The following SNED1 variants were observed in gnomAD, a reference collection of about 807,000 sequenced individuals.
SNED1 encodes the protein sushi, nidogen and EGF-like domain-containing protein 1.
Under a neutral mutation model 166.7 loss-of-function variants are expected in SNED1, and 81 were observed. The ratio of observed to expected loss-of-function variants is 0.49; its 90% CI spans 0.41 to 0.58. The LOEUF (loss-of-function observed/expected upper bound fraction) is 0.58, where lower values mean the gene tolerates loss of function less well. Ranked by LOEUF, SNED1 falls within the 20% of genes least tolerant of loss-of-function variation. The pLI is 0.00. For synonymous variants in SNED1, 762 were observed against 822.0 expected (o/e 0.93, Z 1.25); for missense variants, 1,604 against 2,000.2 (o/e 0.80, Z 3.78).
intron 12 of SNED1, 97 bp downstream of exon 12, chr2:241,050,030 G>T (rs972225101): frequency 2.2e-6 from 2 of 910,166 alleles, no homozygotes; most frequent in Non-Finnish European, 3.6e-6. Flanking sequence ...CTTGTTTCGC[G>T]AATTGCTGAC....
chr2:241,072,965 C>A, intron 26 of SNED1: 7 of 430,248 alleles, frequency 1.6e-5, no homozygotes, highest in Non-Finnish European at 2.9e-5. Flanking sequence ...AAGAAAGCAA[C>A]CGCATCAGCC....
chr2:241,071,735 C>A lies in SNED1; in HGVS notation c.3734+15C>A, dbSNP rs755028769. The A allele has an allele frequency of 2.0e-6, 3 of 1,515,062 alleles. No individual in the cohort carries two copies. Among genetic ancestry groups the A allele is most frequent in the Non-Finnish European group, 8.9e-7 (1 of 1,120,040 alleles). 93.9% of individuals were successfully genotyped at this position (1,515,062 alleles called of 1,614,324 possible). On this transcript the variant is annotated intron_variant, in intron 25 of 31. Coordinates refer to ENST00000310397, the MANE Select transcript of SNED1 (RefSeq NM_001080437.3). ...CAGCCCCCCAGGTACATGCCCCACC[C>A]ATCGGCCCCATCGCCCGAGGCGGCG... is the stretch of plus-strand genomic sequence containing the variant.
chr2:241,004,054 G>A (rs540060944), intron 1 of SNED1, among the ~76,000 whole-genome samples: 1 of 152,372 alleles, frequency 6.6e-6, no homozygotes, highest in South Asian at 2.1e-4. Context: ...GTATGGAGGG[G>A]AAGATCCTGG....
At chr2:241,076,910 T>C (rs2063049612) in intron 27 of SNED1, among the ~76,000 whole-genome samples, 1 of 152,124 alleles carries the variant, frequency 6.6e-6, no homozygotes. Context: ...AAACCCCGTC[T>C]CTACTAAAAA....
intron 31 of SNED1, among the ~76,000 whole-genome samples, chr2:241,089,535 G>A (rs899942732): frequency 6.6e-6 from 1 of 152,014 alleles, no homozygotes; most frequent in Non-Finnish European, 1.5e-5. Flanking sequence ...CTCTGAGTTG[G>A]CCATGACAGA....
rs542500566 is a variant in SNED1, at chr2:240,999,129, C to CCCG, written c.213+91_213+93dup. ...GGCCGCTGCCCGCCGGGCCCGGACT[C>CCCG]CCGCCGCCGCCGCCAGCCACTTGGC... On this transcript the variant is annotated intron_variant, in intron 1 of 31. Coordinates refer to ENST00000310397, the MANE Select transcript of SNED1 (RefSeq NM_001080437.3). The surrounding 1 kb of genome is among the most constrained non-coding windows in gnomAD (Gnocchi z 5.8). 632 of 867,384 alleles carry CCCG rather than the reference C, an allele frequency of 7.3e-4. 1 individual carries two copies. In the African/African-American group the frequency reaches 9.5e-3, roughly 13 times the overall value. The allele number at this position is 867,384 out of a possible 1,614,324, so 53.7% of individuals were successfully genotyped here.
At position 241,054,607 on chromosome 2, in the gene SNED1, G is replaced by A. The variant is rs79786283; in HGVS notation, c.2257+1281G>A. 8.5e-3 allele frequency among the ~76,000 whole-genome samples: 1,296 copies of A among 152,270 alleles called. 80 individuals are homozygous for A. The South Asian group carries it at 0.12, about 14-fold the overall frequency. ...AATGGATTAACGGTATAAAATAACC[G>A]TGACAAATTTACAAAGTAAACATGG... On this transcript the variant is annotated intron_variant, in intron 16 of 31. Coordinates refer to ENST00000310397, the MANE Select transcript of SNED1 (RefSeq NM_001080437.3).
At chr2:241,005,478 A>G (rs1285909708) in intron 1 of SNED1, among the ~76,000 whole-genome samples, 3 of 152,116 alleles carry the variant, frequency 2.0e-5, no homozygotes, top group Admixed American at 2.0e-4. Context: ...TGCTAGGATT[A>G]CAGACCTTAG....
intron 1 of SNED1, among the ~76,000 whole-genome samples, chr2:241,007,164 T>C (rs2060243400): frequency 6.6e-6 from 1 of 152,196 alleles, no homozygotes; most frequent in Admixed American, 6.5e-5. Context: ...CATGAGAGAA[T>C]ATCCTTGTTG....
intron 1 of SNED1, among the ~76,000 whole-genome samples, chr2:241,020,466 C>T (rs1265251253): frequency 6.6e-6 from 1 of 152,240 alleles, no homozygotes; most frequent in Non-Finnish European, 1.5e-5. Context: ...CAGTGGCTCA[C>T]GTCAGGCACT....
At chr2:241,082,815 GC>G (rs1463982436) in intron 29 of SNED1, among the ~76,000 whole-genome samples, 2 of 152,228 alleles carry the variant, frequency 1.3e-5, no homozygotes, top group Non-Finnish European at 2.9e-5. Flanking sequence ...AGGGAGAGAT[GC>G]CCAGCCCATC....
intron 1 of SNED1, among the ~76,000 whole-genome samples, chr2:241,019,109 T>C (rs1423409749): frequency 6.6e-6 from 1 of 150,842 alleles, no homozygotes; most frequent in East Asian, 2.0e-4. Context: ...GCCCATGGTG[T>C]GTGGACCAGG....
intron 16 of SNED1, among the ~76,000 whole-genome samples, chr2:241,056,666 C>T (rs1182401026): frequency 6.8e-6 from 1 of 146,916 alleles, no homozygotes; most frequent in Non-Finnish European, 1.5e-5. Flanking sequence ...CTGCAATCTC[C>T]GCCTCCTGGG....
At chr2:241,083,658 C>G (rs2063438680) in intron 29 of SNED1, among the ~76,000 whole-genome samples, 2 of 152,178 alleles carry the variant, frequency 1.3e-5, no homozygotes, top group African/African-American at 4.8e-5. Context: ...TCCCGCTGTG[C>G]TTAGTTACAC....
In SNED1 at chr2:241,088,728, G is replaced by T. The variant is rs930381236; in HGVS notation, c.*1+326G>T. Reference sequence around the variant, plus strand: ...CAGCTGCAGTGGGAGGAAGAGGCAGGGGGGTGGGCCCTTGGAGAGGCTGGA... The same window carrying T: ...CAGCTGCAGTGGGAGGAAGAGGCAGTGGGGTGGGCCCTTGGAGAGGCTGGA... On this transcript the variant is annotated intron_variant, in intron 31 of 31. Coordinates refer to ENST00000310397, the MANE Select transcript of SNED1 (RefSeq NM_001080437.3). 8.3e-6 allele frequency: 3 copies of T among 360,052 alleles called. No individual in the cohort carries two copies. The South Asian group carries it at 1.6e-4, about 19-fold the overall frequency. 22.3% of individuals were successfully genotyped at this position (360,052 alleles called of 1,614,324 possible).
At chr2:241,046,729 GT>G (rs2061657555) in intron 8 of SNED1, among the ~76,000 whole-genome samples, 1 of 152,222 alleles carries the variant, frequency 6.6e-6, no homozygotes. Flanking sequence ...TGTGGTGGGG[GT>G]TAAACAAATC....
rs780250943 is a variant in SNED1 at position 241,048,735 on chromosome 2, C to T, written c.1473C>T (p.Pro491=). The change falls in exon 10 of 32, where the codon CCC becomes CCT. Residue 491 remains proline, a synonymous_variant. Coordinates refer to ENST00000310397, the MANE Select transcript of SNED1 (RefSeq NM_001080437.3). ...CCAACACCACCCTCTGCCAGTGCCCCCTGGGATTCTTTGGGCTTCTCTGTG... is the reference window on the plus strand; with the variant it reads ...CCAACACCACCCTCTGCCAGTGCCCTCTGGGATTCTTTGGGCTTCTCTGTG... The part of the protein sequence containing the change: ...LGANTTLCQC[P]LGFFGLLCEF... 4.3e-6 allele frequency: 7 copies of T among 1,612,582 alleles called. No homozygotes were observed. In the South Asian group the frequency reaches 5.5e-5, roughly 13 times the overall value.
chr2:241,079,549 G>A (rs2063226350), intron 27 of SNED1, among the ~76,000 whole-genome samples: 1 of 152,072 alleles, frequency 6.6e-6, no homozygotes, highest in Non-Finnish European at 1.5e-5. Flanking sequence ...TTCACTAAAT[G>A]AGGAGGGAAA....
At chr2:241,033,628 G>A (rs2061253869) in intron 2 of SNED1, 107 bp from the exon 3 acceptor site, 1 of 1,303,586 alleles carries the variant, frequency 7.7e-7, no homozygotes, top group East Asian at 2.7e-5. Context: ...CATTGAGCAA[G>A]CCAGGGGCCC....
Sources: allele counts gnomAD v4.1 joint callset (sites outside exome capture counted in the v4.1 genomes callset), GRCh38; gene constraint gnomAD v4.1.1; non-coding constraint Gnocchi (gnomAD v3.1); transcripts MANE v1.5; gene names NCBI Gene and HGNC (gene_info 2026-07-23, HGNC 2026-07-21).